Variants in OS9 observed in about 807,000 individuals in gnomAD.
OS9 encodes OS9 endoplasmic reticulum lectin, also known as protein OS-9.
A neutral mutation model predicts 84.7 loss-of-function variants in OS9; 58 were observed. The ratio of observed to expected loss-of-function variants is 0.68; its 90% CI spans 0.55 to 0.85. The LOEUF is 0.85. Among genes scored for constraint, OS9 ranks in the 40% least tolerant of loss-of-function variants. The probability of loss-of-function intolerance (pLI) is 0.00; values close to 1 mark genes in which losing one functional copy is unlikely to be tolerated. For missense variants in OS9, 760 were observed against 850.9 expected (o/e 0.89, Z 1.33); for synonymous variants, 278 against 320.8 (o/e 0.87, Z 1.43).
At position 57,718,250 on chromosome 12, in the gene OS9, G is replaced by A. The variant is rs1254843771; in HGVS notation, c.1239G>A (p.Met413Ile). Residue 413 changes from methionine to isoleucine, a missense_variant, in exon 11 of 15, where the codon ATG becomes ATA. Transcript: ENST00000315970. ...GTGATCCAGAACGGCAGAGAGAGATGGAAGAAGAGGAGGATGAGGATGAGG... is the reference window on the plus strand; with the variant it reads ...GTGATCCAGAACGGCAGAGAGAGATAGAAGAAGAGGAGGATGAGGATGAGG... ...ERGDPERQREMEEEEDEDEDE... is the reference protein window; with the variant it reads ...ERGDPERQREIEEEEDEDEDE... The A allele has an allele frequency of 1.2e-6, 2 of 1,614,174 alleles. No homozygotes were observed. The highest frequency in any genetic ancestry group is 4.5e-5 in the East Asian group (2 of 44,886).
intron 5 of OS9, among the ~76,000 whole-genome samples, chr12:57,713,288 G>A (rs984175338): frequency 2.6e-5 from 4 of 152,232 alleles, no homozygotes; most frequent in East Asian, 1.9e-4. Context: ...GTATTCTTAC[G>A]GACTGCCTCT....
intron 11 of OS9, 77 bp from the exon 12 acceptor site, chr12:57,718,916 T>C: frequency 3.0e-6 from 3 of 1,003,822 alleles, no homozygotes; most frequent in Non-Finnish European, 3.0e-6. Flanking sequence ...AATATCAGAC[T>C]CTCCTACAGA....
At chr12:57,704,248 T>C (rs1030971563) in intron 5 of OS9, among the ~76,000 whole-genome samples, 6 of 152,276 alleles carry the variant, frequency 3.9e-5, no homozygotes, top group Admixed American at 2.0e-4. Context: ...GTATAAAAGA[T>C]ATTAGTCGCC....
chr12:57,696,012 T>G lies in OS9; in HGVS notation c.454T>G (p.Phe152Val). ...VLYLGYYQSA[F>V]DWDDETAKAS... is the part of the protein sequence containing the mutation. ...CTATCTCGGCTACTACCAATCAGCC[T>G]TCGACTGGGATGATGAAACAGCCAA... is the stretch of plus-strand genomic sequence containing the variant. Residue 152 changes from phenylalanine (F) to valine (V), a missense_variant, in exon 4 of 15, where the codon TTC becomes GTC. Physicochemically the swap from Phe to Val is conservative, Grantham distance 50. Transcript: ENST00000315970. 2.5e-6 allele frequency: 4 copies of G among 1,613,360 alleles called. No homozygotes were observed. Among genetic ancestry groups the G allele is most frequent in the Non-Finnish European group, 3.4e-6 (4 of 1,179,284 alleles).
chr12:57,695,670 T>A, intron 2 of OS9, 110 bp from the exon 3 acceptor site: 2 of 775,954 alleles, frequency 2.6e-6, no homozygotes, highest in Non-Finnish European at 2.4e-6. Flanking sequence ...GGGAAGAGAA[T>A]TGAGTGTGTA....
At chr12:57,714,532 G>A (rs1191990179) in intron 5 of OS9, among the ~76,000 whole-genome samples, 1 of 151,884 alleles carries the variant, frequency 6.6e-6, no homozygotes, top group African/African-American at 2.4e-5. Context: ...ATTTTCATCA[G>A]TAATGGAGTT....
rs184806693 is a variant in OS9 at position 57,719,417 on chromosome 12, G to A, written c.1600+235G>A. On this transcript the variant is annotated intron_variant, in intron 12 of 14. Coordinates refer to ENST00000315970, the MANE Select transcript of OS9 (RefSeq NM_006812.4). The stretch of plus-strand genomic sequence containing the variant: ...TTAGAGCATATCTGCTGGTTTTCTG[G>A]TTTGCTCCTGTACACCCAGTGCCTA... The A allele has an allele frequency of 6.1e-5, 33 of 536,872 alleles. No individual in the cohort carries two copies. The East Asian group carries it at 7.2e-4, about 12-fold the overall frequency. 33.3% of individuals were successfully genotyped at this position (536,872 alleles called of 1,614,324 possible). A position where few individuals can be genotyped will look rare whatever the true frequency, so the allele number is the denominator to read the frequency against.
intron 2 of OS9, chr12:57,695,296 T>C (rs899079268): frequency 5.1e-5 from 20 of 388,426 alleles, no homozygotes; most frequent in African/African-American, 3.9e-4. Context: ...AAATCATATT[T>C]ACTGAATCAG....
chr12:57,716,356 C>T (rs973431499), intron 7 of OS9, 56 bp from the exon 8 acceptor site: 1 of 1,428,222 alleles, frequency 7.0e-7, no homozygotes, highest in African/African-American at 1.4e-5. Context: ...CCTATTTGCT[C>T]CCTTCTGTCT....
chr12:57,721,206 C>A lies in OS9; in HGVS notation c.*297C>A. On this transcript the variant is annotated 3_prime_UTR_variant, in exon 15 of 15. Coordinates refer to ENST00000315970, the MANE Select transcript of OS9 (RefSeq NM_006812.4). Reference sequence around the variant, plus strand: ...TTGTCCCCTAATGATAGGATATTCCCTGCTGCCTACCTGGAGATTCAGTAG... The same window carrying A: ...TTGTCCCCTAATGATAGGATATTCCATGCTGCCTACCTGGAGATTCAGTAG... 3.1e-6 allele frequency: 1 copy of A among 325,336 alleles called. No individual in the cohort carries two copies. 20.2% of individuals were successfully genotyped at this position (325,336 alleles called of 1,614,324 possible).
chr12:57,712,851 G>A (rs111800129), intron 5 of OS9, among the ~76,000 whole-genome samples: 4,182 of 151,858 alleles, frequency 0.028, 152 homozygotes, highest in African/African-American at 0.082. Flanking sequence ...CTAGATGACA[G>A]TGGTTTCAGC....
Position 57,721,011 on chromosome 12 carries a change from A to G in OS9, c.*102A>G. The stretch of plus-strand genomic sequence containing the variant: ...CTGGAACCCCTGAGGGCCAAACAGC[A>G]GAGTGGAGCTGAGCTGTGGACCTCT... On this transcript the variant is annotated 3_prime_UTR_variant, in exon 15 of 15. Transcript: ENST00000315970. 7.3e-7 allele frequency: 1 copy of G among 1,361,984 alleles called. No homozygotes were observed. The highest frequency in any genetic ancestry group is 1.0e-6 in the Non-Finnish European group (1 of 966,748). 84.4% of individuals were successfully genotyped at this position (1,361,984 alleles called of 1,614,324 possible).
At chr12:57,710,764 T>A (rs1022290220) in intron 5 of OS9, among the ~76,000 whole-genome samples, 1 of 152,020 alleles carries the variant, frequency 6.6e-6, no homozygotes, top group Admixed American at 6.6e-5. Flanking sequence ...TCCCACCTGG[T>A]CATGGTGGCT....
intron 5 of OS9, among the ~76,000 whole-genome samples, chr12:57,702,870 C>A (rs1954064802): frequency 1.3e-5 from 2 of 152,078 alleles, no homozygotes. Flanking sequence ...TGCTTGGTGA[C>A]CATTTGTATA....
chr12:57,704,643 G>A (rs184601202), intron 5 of OS9, among the ~76,000 whole-genome samples: 105 of 152,134 alleles, frequency 6.9e-4, no homozygotes, highest in South Asian at 5.6e-3. Flanking sequence ...AGTTAGGAAA[G>A]CATTCTTTAT....
intron 5 of OS9, among the ~76,000 whole-genome samples, chr12:57,714,033 G>A (rs973573430): frequency 6.6e-6 from 1 of 151,858 alleles, no homozygotes; most frequent in Non-Finnish European, 1.5e-5. Flanking sequence ...CTTGGACCTA[G>A]GAGGTTGAGG....
chr12:57,706,022 AT>A (rs1954156108), intron 5 of OS9, among the ~76,000 whole-genome samples: 1 of 152,096 alleles, frequency 6.6e-6, no homozygotes, highest in Non-Finnish European at 1.5e-5. Context: ...TATACATTTC[AT>A]TTTTCTTATA....
intron 5 of OS9, among the ~76,000 whole-genome samples, chr12:57,714,892 C>G (rs1954438063): frequency 6.6e-6 from 1 of 152,196 alleles, no homozygotes; most frequent in Non-Finnish European, 1.5e-5. Flanking sequence ...CCACCAGCCT[C>G]TCTTACTTTT....
chr12:57,716,604 T>C (rs1193812674), intron 8 of OS9, 89 bp from the exon 9 acceptor site: 5 of 1,508,232 alleles, frequency 3.3e-6, no homozygotes, highest in Non-Finnish European at 4.6e-6. Context: ...TACCTAGGGA[T>C]GCAAGGATAT....
Sources: allele counts gnomAD v4.1 joint callset (sites outside exome capture counted in the v4.1 genomes callset), GRCh38; gene constraint gnomAD v4.1.1; transcripts MANE v1.5; gene names NCBI Gene and HGNC (gene_info 2026-07-23, HGNC 2026-07-21).